Variants in PATJ observed in about 807,000 individuals in gnomAD.
PATJ encodes PATJ crumbs cell polarity complex component, also known as inaD-like protein.
In PATJ, 190 loss-of-function variants were observed where a neutral mutation model predicts 224.9. The observed-to-expected ratio is 0.84, with a 90% CI of 0.75 to 0.95. The LOEUF is 0.95. Among genes scored for constraint, PATJ ranks in the 40% least tolerant of loss-of-function variants. The probability of loss-of-function intolerance (pLI) is 0.00; values close to 1 mark genes in which losing one functional copy is unlikely to be tolerated. For synonymous variants in PATJ, 769 were observed against 820.3 expected (o/e 0.94, Z 1.07); for missense variants, 2,121 against 2,270.3 (o/e 0.93, Z 1.34).
In PATJ at chr1:62,007,046, A is replaced by G. The variant is rs112304214; in HGVS notation, c.3868-10810A>G. On this transcript the variant is annotated intron_variant, in intron 28 of 43. Coordinates refer to ENST00000642238, the MANE Select transcript of PATJ (RefSeq NM_001350145.3). ...AGAAAAGGCACAGTAAAAATATGGT[A>G]TTATAATTGTATGGGACCACCATTA... 1.0e-3 allele frequency among the ~76,000 whole-genome samples: 155 copies of G among 152,336 alleles called. 2 individuals carry two copies. Among genetic ancestry groups the G allele is most frequent in the African/African-American group, 3.5e-3 (145 of 41,566 alleles).
intron 31 of PATJ, among the ~76,000 whole-genome samples, chr1:62,070,449 C>CTT (rs2148681961): frequency 6.6e-6 from 1 of 152,216 alleles, no homozygotes; most frequent in South Asian, 2.1e-4. Context: ...AGCACTAACA[C>CTT]TTTATAAAGC....
chr1:61,832,065 A>G (rs1033412753), intron 16 of PATJ, among the ~76,000 whole-genome samples: 1 of 152,210 alleles, frequency 6.6e-6, no homozygotes, highest in African/African-American at 2.4e-5. Flanking sequence ...TAAGCAAATT[A>G]ACACAGAAAC....
chr1:61,811,963 G>A lies in PATJ; in HGVS notation c.1683+3433G>A, dbSNP rs577081799. ...GTAGTCCCAGCTACTCGGGAGGCTG[G>A]GGCAAGAGAATGGCGTGAACCCGGG... is the stretch of plus-strand genomic sequence containing the variant. On this transcript the variant is annotated intron_variant, in intron 14 of 43. Transcript: ENST00000642238. 1.7e-3 allele frequency among the ~76,000 whole-genome samples: 254 copies of A among 151,446 alleles called. 1 individual carries two copies. Among genetic ancestry groups the A allele is most frequent in the Admixed American group, 0.015 (231 of 15,174 alleles).
chr1:61,907,168 A>G (rs1178611901), intron 24 of PATJ, among the ~76,000 whole-genome samples: 1 of 152,178 alleles, frequency 6.6e-6, no homozygotes, highest in Non-Finnish European at 1.5e-5. Flanking sequence ...CAGAACCATG[A>G]GATAATTAAA....
chr1:62,046,463 C>T (rs747594910), intron 30 of PATJ, among the ~76,000 whole-genome samples: 6 of 152,178 alleles, frequency 3.9e-5, no homozygotes, highest in Non-Finnish European at 7.3e-5. Context: ...GGACTTCAAA[C>T]CCTCCTCTAC....
chr1:61,815,414 G>A (rs1227370431), intron 14 of PATJ, among the ~76,000 whole-genome samples: 1 of 152,180 alleles, frequency 6.6e-6, no homozygotes, highest in African/African-American at 2.4e-5. Flanking sequence ...TTTGAGCAGG[G>A]TTTTGTCTAT....
chr1:61,755,184 C>T lies in PATJ; in HGVS notation c.-35-7674C>T, dbSNP rs1223550727. On this transcript the variant is annotated intron_variant, in intron 1 of 43. Transcript: ENST00000642238. The stretch of plus-strand genomic sequence containing the variant: ...ATTAGCCGGGCGTAGTGGCGGGTGC[C>T]TGTAGTCCCAGCTACTCGGGAGGCT... Among the ~76,000 whole-genome samples the T allele has an allele frequency of 2.6e-5, 4 of 151,520 alleles. No homozygotes were observed. The East Asian group carries it at 7.8e-4, about 29-fold the overall frequency.
intron 35 of PATJ, among the ~76,000 whole-genome samples, chr1:62,115,345 T>C (rs910403125): frequency 1.3e-5 from 2 of 151,700 alleles, no homozygotes; most frequent in Admixed American, 1.3e-4. Context: ...AGGTATATGT[T>C]GCCTAGGCCA....
rs374175697 is a variant in PATJ at position 61,997,982 on chromosome 1, T to TTTTATATATA, written c.3867+7619_3867+7620insTTATATATAT. Among the ~76,000 whole-genome samples, 1,180 of 118,244 alleles carry TTTTATATATA rather than the reference T, an allele frequency of 1.0e-2. 79 individuals carry two copies. The highest frequency in any genetic ancestry group is 0.043 in the African/African-American group (1,089 of 25,418). The allele number at this position is 118,244 out of a possible 152,430, so 77.6% of individuals were successfully genotyped here. On this transcript the variant is annotated intron_variant, in intron 28 of 43. Transcript: ENST00000642238. The stretch of plus-strand genomic sequence containing the variant: ...ATAGGTGCATGCCACTGTGCCCAGC[T>TTTTATATATA]TATATATGTATATATAATATATTAT...
At chr1:61,837,335 A>G (rs1660337620) in intron 17 of PATJ, among the ~76,000 whole-genome samples, 1 of 152,232 alleles carries the variant, frequency 6.6e-6, no homozygotes, top group Non-Finnish European at 1.5e-5. Flanking sequence ...CTCTAGTTAG[A>G]TTACAAAAAT....
At chr1:61,809,790 A>G (rs1263151711) in intron 14 of PATJ, among the ~76,000 whole-genome samples, 1 of 151,428 alleles carries the variant, frequency 6.6e-6, no homozygotes, top group Non-Finnish European at 1.5e-5. Context: ...ATCAATATTT[A>G]TCTTCCATGA....
intron 26 of PATJ, among the ~76,000 whole-genome samples, chr1:61,915,184 A>G (rs1673275561): frequency 1.3e-5 from 2 of 152,176 alleles, no homozygotes; most frequent in South Asian, 4.2e-4. Flanking sequence ...TCAAGTAGGG[A>G]TGAATTTTCA....
intron 13 of PATJ, among the ~76,000 whole-genome samples, chr1:61,806,745 A>C (rs1294462746): frequency 6.6e-6 from 1 of 152,148 alleles, no homozygotes; most frequent in Admixed American, 6.5e-5. Flanking sequence ...TTATTAGGCT[A>C]TCACCTAGCA....
intron 42 of PATJ, among the ~76,000 whole-genome samples, chr1:62,149,676 ATGGAAATACAGAGATCCCCT>A (rs1286363738): frequency 6.6e-6 from 1 of 151,558 alleles, no homozygotes; most frequent in African/African-American, 2.4e-5. Context: ...TGATGTGGCT[ATGGAAATACAGAGATCCCCT>A]TGTAATCTTA....
chr1:62,042,007 A>G (rs1199278244), intron 30 of PATJ, among the ~76,000 whole-genome samples: 1 of 152,040 alleles, frequency 6.6e-6, no homozygotes, highest in Non-Finnish European at 1.5e-5. Flanking sequence ...AAGTAAATAA[A>G]TAAATAATAA....
At chr1:61,912,757 G>A (rs896979554) in intron 25 of PATJ, among the ~76,000 whole-genome samples, 1 of 151,730 alleles carries the variant, frequency 6.6e-6, no homozygotes, top group Non-Finnish European at 1.5e-5. Context: ...ATTGTGAGTG[G>A]CAGCTGACAT....
chr1:62,017,088 G>C (rs540563228), intron 28 of PATJ, among the ~76,000 whole-genome samples: 1 of 152,166 alleles, frequency 6.6e-6, no homozygotes, highest in East Asian at 1.9e-4. Flanking sequence ...TAGAATTACT[G>C]TTTGAATCTC....
intron 16 of PATJ, among the ~76,000 whole-genome samples, chr1:61,832,481 A>G (rs775178823): frequency 2.0e-5 from 3 of 152,188 alleles, no homozygotes; most frequent in South Asian, 2.1e-4. Flanking sequence ...GAGATGATGC[A>G]TTTTTATTTA....
At chr1:61,800,647 T>A (rs931747649) in intron 11 of PATJ, among the ~76,000 whole-genome samples, 1 of 152,202 alleles carries the variant, frequency 6.6e-6, no homozygotes, top group Non-Finnish European at 1.5e-5. Flanking sequence ...TTGTTACATA[T>A]ATGTACATGT....
Sources: gnomAD v4.1 joint callset for allele counts (sites outside exome capture counted in the v4.1 genomes callset) on GRCh38, gnomAD v4.1.1 for gene constraint, MANE v1.5 for transcripts, NCBI Gene and HGNC (gene_info 2026-07-23, HGNC 2026-07-21) for gene names.